PTPRT: variants seen among roughly 807,000 people sequenced by gnomAD.
The protein encoded by PTPRT is receptor-type tyrosine-protein phosphatase T.
Under a neutral mutation model 176.8 loss-of-function variants are expected in PTPRT, and 56 were observed. That is an observed-to-expected ratio of 0.32 (90% CI 0.26 to 0.40). The LOEUF (loss-of-function observed/expected upper bound fraction) is 0.40. PTPRT is among the 10% of genes least tolerant of loss of function. The pLI, the probability that PTPRT is intolerant of heterozygous loss-of-function variation, is 1.00. For synonymous variants in PTPRT, 783 were observed against 739.0 expected (o/e 1.06, Z -0.96); for missense variants, 1,540 against 1,908.2 (o/e 0.81, Z 3.60).
At chr20:42,826,099 G>C (rs192403500) in intron 2 of PTPRT, among the ~76,000 whole-genome samples, 2 of 152,066 alleles carry the variant, frequency 1.3e-5, no homozygotes, top group African/African-American at 4.8e-5. Context: ...AAGCAGAGAG[G>C]ATATAGCTTC....
At chr20:42,611,575 G>A (rs2073976822) in intron 7 of PTPRT, among the ~76,000 whole-genome samples, 1 of 151,292 alleles carries the variant, frequency 6.6e-6, no homozygotes, top group African/African-American at 2.5e-5. Flanking sequence ...CCACTCTCAG[G>A]CCCGTCACGC....
intron 11 of PTPRT, among the ~76,000 whole-genome samples, chr20:42,321,863 C>A (rs1235693883): frequency 6.6e-6 from 1 of 152,136 alleles, no homozygotes; most frequent in African/African-American, 2.4e-5. Context: ...GCGGGTGGAT[C>A]ATGAGGTCAG....
intron 6 of PTPRT, among the ~76,000 whole-genome samples, chr20:42,679,877 G>A (rs1313580655): frequency 6.6e-6 from 1 of 152,154 alleles, no homozygotes; most frequent in East Asian, 1.9e-4. Flanking sequence ...TTTGTGCAAA[G>A]ACTTCAGTCT....
At chr20:42,227,935 C>G (rs553294652) in intron 15 of PTPRT, among the ~76,000 whole-genome samples, 2 of 152,230 alleles carry the variant, frequency 1.3e-5, no homozygotes, top group Non-Finnish European at 2.9e-5. Context: ...TGGATCTGAG[C>G]AGCACATCAC....
chr20:42,653,372 C>CA (rs1324436152), intron 7 of PTPRT, among the ~76,000 whole-genome samples: 1 of 152,220 alleles, frequency 6.6e-6, no homozygotes. Flanking sequence ...TTATTAGCAG[C>CA]ATGAGAACAG....
chr20:42,511,887 TCTTAA>T (rs1157104500), intron 7 of PTPRT, among the ~76,000 whole-genome samples: 1 of 152,104 alleles, frequency 6.6e-6, no homozygotes, highest in Admixed American at 6.6e-5. Flanking sequence ...CAACCTCTTT[TCTTAA>T]CTTAGAACGT....
chr20:42,275,195 G>A (rs1264784898), intron 13 of PTPRT, among the ~76,000 whole-genome samples: 1 of 152,210 alleles, frequency 6.6e-6, no homozygotes, highest in African/African-American at 2.4e-5. Context: ...GTTAATTTTT[G>A]CAAATCCCTT....
At chr20:42,838,534 G>A (rs961555158) in intron 2 of PTPRT, among the ~76,000 whole-genome samples, 1 of 152,150 alleles carries the variant, frequency 6.6e-6, no homozygotes, top group Non-Finnish European at 1.5e-5. Flanking sequence ...TCCCTGTATT[G>A]TATGGGCTTC....
chr20:42,365,884 T>C (rs1477994988), intron 9 of PTPRT, among the ~76,000 whole-genome samples: 1 of 152,160 alleles, frequency 6.6e-6, no homozygotes, highest in Non-Finnish European at 1.5e-5. Context: ...TGGGAAAGCA[T>C]CCAGTGGTGC....
chr20:43,142,384 T>C (rs1044794655), intron 1 of PTPRT, among the ~76,000 whole-genome samples: 1 of 152,238 alleles, frequency 6.6e-6, no homozygotes, highest in Non-Finnish European at 1.5e-5. Context: ...CAGAACTGCA[T>C]GTTCTCTGTA....
At chr20:42,823,888 C>T (rs2077945844) in intron 2 of PTPRT, among the ~76,000 whole-genome samples, 1 of 151,672 alleles carries the variant, frequency 6.6e-6, no homozygotes, top group South Asian at 2.1e-4. Flanking sequence ...CAAGCATCAA[C>T]TCAAAAACTT....
intron 1 of PTPRT, among the ~76,000 whole-genome samples, chr20:43,154,743 C>T (rs887138667): frequency 1.3e-5 from 2 of 152,184 alleles, no homozygotes; most frequent in African/African-American, 4.8e-5. Context: ...GCAAAGGAAA[C>T]AATCAACAGA....
chr20:42,158,995 A>C (rs1225251623), intron 17 of PTPRT, among the ~76,000 whole-genome samples: 3 of 152,208 alleles, frequency 2.0e-5, no homozygotes, highest in Non-Finnish European at 2.9e-5. Context: ...AAGAAATATT[A>C]ATCTAGAACG....
intron 1 of PTPRT, among the ~76,000 whole-genome samples, chr20:43,107,100 A>G (rs539828534): frequency 7.9e-5 from 12 of 152,312 alleles, no homozygotes; most frequent in African/African-American, 2.6e-4. Context: ...AGTATTTTTA[A>G]CTTCTTAAAC....
intron 7 of PTPRT, among the ~76,000 whole-genome samples, chr20:42,530,317 G>C (rs1045849074): frequency 6.6e-6 from 1 of 152,288 alleles, no homozygotes; most frequent in Non-Finnish European, 1.5e-5. Flanking sequence ...GTCACCCAGC[G>C]ATTCATTGCT....
chr20:42,098,399 G>T (rs1215100974), intron 27 of PTPRT, 22 bp downstream of exon 27: 17 of 1,613,480 alleles, frequency 1.1e-5, no homozygotes, highest in Non-Finnish European at 1.4e-5. Context: ...CCCACCTAGG[G>T]CTTGGCTTGG....
In PTPRT at chr20:42,780,272, C is replaced by G; in HGVS notation, c.514G>C (p.Gly172Arg). 1 of 1,614,024 alleles carries G rather than the reference C, an allele frequency of 6.2e-7. No individual in the cohort carries two copies. Among genetic ancestry groups the G allele is most frequent in the Non-Finnish European group, 8.5e-7 (1 of 1,179,946 alleles). ...TCCACGGCGATGTAGCCAGGATGAC[C>G]CTTCAATGAGACGGATTCAAATATC... ...QVIFESVSLK[G>R]HPGYIAVDEV... is the part of the protein sequence containing the mutation. Residue 172 changes from glycine to arginine, a missense_variant, in exon 4 of 31, where the codon GGT (glycine) becomes CGT (arginine). Physicochemically the swap from Gly to Arg is moderately radical, Grantham distance 125 (BLOSUM62 -2). This residue lies in a region of PTPRT where 273 missense variants were observed against 432.1 expected (regional missense o/e 0.63). Transcript: ENST00000373187.
chr20:42,139,844 G>A (rs1179939975), intron 18 of PTPRT, among the ~76,000 whole-genome samples: 2 of 152,276 alleles, frequency 1.3e-5, no homozygotes, highest in Non-Finnish European at 2.9e-5. Flanking sequence ...CTCCCCAGGA[G>A]CAGGAGCTCC....
At chr20:42,688,294 G>A (rs6072827) in intron 6 of PTPRT, 37,649 of 152,054 alleles carry the variant, frequency 0.25, 5,089 homozygotes, top group African/African-American at 0.35. Context: ...TCTTTCTGAA[G>A]GAACTAATAT....
Sources: gnomAD v4.1 joint callset for allele counts (sites outside exome capture counted in the v4.1 genomes callset) on GRCh38, gnomAD v4.1.1 for gene constraint, gnomAD v4.1.1 regional missense constraint, MANE v1.5 for transcripts, NCBI Gene and HGNC (gene_info 2026-07-23, HGNC 2026-07-21) for gene names.